The following SMARCA2 variants were observed in gnomAD, a reference collection of about 807,000 sequenced individuals.
SMARCA2 encodes the protein SWI/SNF-related matrix-associated actin-dependent regulator of chromatin subfamily A member 2.
A neutral mutation model predicts 199.8 loss-of-function variants in SMARCA2; 61 were observed. The ratio of observed to expected loss-of-function variants is 0.31; its 90% confidence interval spans 0.25 to 0.38. The LOEUF (loss-of-function observed/expected upper bound fraction) is 0.38, where lower values mean the gene tolerates loss of function less well. Among genes scored for constraint, SMARCA2 ranks in the 10% least tolerant of loss-of-function variants. The pLI is 1.00. For synonymous variants in SMARCA2, 935 were observed against 732.0 expected (o/e 1.28, Z -4.48); for missense variants, 1,344 against 2,012.2 (o/e 0.67, Z 6.35).
intron 10 of SMARCA2, 87 bp from the exon 11 acceptor site, chr9:2,073,125 G>A (rs1162277180): frequency 3.4e-6 from 5 of 1,485,740 alleles, no homozygotes; most frequent in Non-Finnish European, 3.7e-6. Flanking sequence ...CACATGCTGG[G>A]CAGCAAAAAC....
At chr9:2,165,187 G>A (rs1325171835) in intron 28 of SMARCA2, among the ~76,000 whole-genome samples, 1 of 152,158 alleles carries the variant, frequency 6.6e-6, no homozygotes, top group Non-Finnish European at 1.5e-5. Context: ...TTGGTCAAAT[G>A]TTAGGGCTCT....
chr9:2,096,701 T>G lies in SMARCA2; in HGVS notation c.2928T>G (p.Ile976Met). The G allele has an allele frequency of 6.2e-7, 1 of 1,614,032 alleles. No homozygotes were observed. The highest frequency in any genetic ancestry group is 8.5e-7 in the Non-Finnish European group (1 of 1,179,858). Residue 976 changes from isoleucine (I) to methionine (M), a missense_variant, in exon 20 of 34, where the codon ATT (isoleucine) becomes ATG (methionine). By Grantham distance (10) the Ile-to-Met change is conservative (BLOSUM62 1). This residue lies in a region of SMARCA2 where 98 missense variants were observed against 245.6 expected (regional missense o/e 0.40). Transcript: ENST00000349721. ...IKCDMSALQKILYRHMQAKGI... is the reference protein window; with the variant it reads ...IKCDMSALQKMLYRHMQAKGI... ...GTGACATGTCAGCTCTGCAGAAGAT[T>G]CTGTATCGCCATATGCAAGCCAAGG...
chr9:2,176,466 T>G (rs758237103), intron 29 of SMARCA2, among the ~76,000 whole-genome samples: 4 of 152,114 alleles, frequency 2.6e-5, no homozygotes, highest in Non-Finnish European at 4.4e-5. Flanking sequence ...GAGTGAACCC[T>G]TTTCAGTCTC....
chr9:2,106,114 T>C (rs1822744477), intron 23 of SMARCA2, among the ~76,000 whole-genome samples: 1 of 152,228 alleles, frequency 6.6e-6, no homozygotes, highest in Admixed American at 6.5e-5. Flanking sequence ...ATTTTCTCAA[T>C]AAATAAGCTA....
At chr9:2,072,507 T>TG (rs200598139) in intron 10 of SMARCA2, among the ~76,000 whole-genome samples, 2,042 of 152,316 alleles carry the variant, frequency 0.013, 33 homozygotes, top group African/African-American at 0.046. Flanking sequence ...GTTAGACCCC[T>TG]GGGGGGTTAG....
chr9:2,092,245 A>T (rs1822093370), intron 19 of SMARCA2, among the ~76,000 whole-genome samples: 1 of 152,220 alleles, frequency 6.6e-6, no homozygotes, highest in African/African-American at 2.4e-5. Context: ...AAATATGTAT[A>T]TAATATCTGA....
intron 4 of SMARCA2, chr9:2,041,436 T>C: frequency 2.5e-6 from 1 of 398,612 alleles, no homozygotes; most frequent in Non-Finnish European, 4.4e-6. Context: ...TGTCCTCACA[T>C]GGCAGAAGAG....
chr9:2,068,721 A>G (rs1241742867), intron 9 of SMARCA2, among the ~76,000 whole-genome samples: 1 of 151,906 alleles, frequency 6.6e-6, no homozygotes, highest in Non-Finnish European at 1.5e-5. Flanking sequence ...AAATGACTAA[A>G]GTTTTTTTTT....
At chr9:2,107,026 T>C (rs1822782476) in intron 23 of SMARCA2, among the ~76,000 whole-genome samples, 1 of 152,180 alleles carries the variant, frequency 6.6e-6, no homozygotes, top group African/African-American at 2.4e-5. Flanking sequence ...CTTGAGCCAC[T>C]TGCAAGGAGT....
At chr9:2,175,130 T>A (rs1172734800) in intron 29 of SMARCA2, among the ~76,000 whole-genome samples, 1 of 151,992 alleles carries the variant, frequency 6.6e-6, no homozygotes, top group Non-Finnish European at 1.5e-5. Context: ...TCATCCGGTG[T>A]CTGTCTGTCA....
chr9:2,121,788 A>T (rs1823473257), intron 26 of SMARCA2, among the ~76,000 whole-genome samples: 1 of 152,226 alleles, frequency 6.6e-6, no homozygotes, highest in Non-Finnish European at 1.5e-5. Flanking sequence ...CTTTTATACC[A>T]ATTACTTAGG....
chr9:2,182,942 C>T (rs1452670749), intron 31 of SMARCA2, among the ~76,000 whole-genome samples: 2 of 151,992 alleles, frequency 1.3e-5, no homozygotes, highest in South Asian at 2.1e-4. Context: ...AGGCATGCGC[C>T]ACCACGCCAG....
intron 32 of SMARCA2, among the ~76,000 whole-genome samples, chr9:2,188,444 C>G (rs372181265): frequency 6.6e-6 from 1 of 152,058 alleles, no homozygotes; most frequent in African/African-American, 2.4e-5. Flanking sequence ...GTGATTCTGC[C>G]TTTTATTTGT....
At chr9:2,075,142 G>C (rs1327216660) in intron 12 of SMARCA2, 1 of 152,316 alleles carries the variant, frequency 6.6e-6, no homozygotes, top group African/African-American at 2.4e-5. Flanking sequence ...AGGTGAGCCT[G>C]AGTGACATGT....
chr9:2,178,022 A>T (rs1826742102), intron 29 of SMARCA2, among the ~76,000 whole-genome samples: 1 of 152,066 alleles, frequency 6.6e-6, no homozygotes, highest in South Asian at 2.1e-4. Context: ...TAATGAGGAA[A>T]AAAAAAAACG....
At chr9:2,192,159 A>C (rs1827930588) in intron 33 of SMARCA2, 1 of 175,200 alleles carries the variant, frequency 5.7e-6, no homozygotes, top group Admixed American at 6.2e-5. Context: ...TTGCCTTTTG[A>C]AATACCCTTC....
chr9:2,135,729 G>C (rs1439673001), intron 27 of SMARCA2, among the ~76,000 whole-genome samples: 3 of 152,138 alleles, frequency 2.0e-5, no homozygotes, highest in Admixed American at 6.5e-5. Flanking sequence ...TTTTAGTAGA[G>C]ATGGGGTTTC....
At chr9:2,148,486 T>A (rs1401989318) in intron 27 of SMARCA2, among the ~76,000 whole-genome samples, 3 of 151,318 alleles carry the variant, frequency 2.0e-5, no homozygotes, top group Admixed American at 6.6e-5. Flanking sequence ...TTCTTTTTTT[T>A]ATTATTATTT....
chr9:2,182,500 T>C (rs1827113941), intron 31 of SMARCA2, among the ~76,000 whole-genome samples: 1 of 143,424 alleles, frequency 7.0e-6, no homozygotes, highest in Non-Finnish European at 1.5e-5. Flanking sequence ...TTTTTTTTTT[T>C]TTTTTCCTTT....
Sources: gnomAD v4.1 joint callset for allele counts (sites outside exome capture counted in the v4.1 genomes callset) on GRCh38, gnomAD v4.1.1 for gene constraint, gnomAD v4.1.1 regional missense constraint, MANE v1.5 for transcripts, NCBI Gene and HGNC (gene_info 2026-07-23, HGNC 2026-07-21) for gene names.